The following SGCG variants were observed in gnomAD, a reference collection of about 807,000 sequenced individuals.
The protein encoded by SGCG is gamma-sarcoglycan.
In SGCG, 26 loss-of-function variants were observed where a neutral mutation model predicts 29.3. The ratio of observed to expected loss-of-function variants is 0.89; its 90% CI spans 0.65 to 1.23. The LOEUF is 1.23. Ranked by LOEUF, SGCG falls within the 50% of genes most tolerant of loss-of-function variation. The probability of loss-of-function intolerance (pLI) is 0.00; values close to 1 mark genes in which losing one functional copy is unlikely to be tolerated. For synonymous variants in SGCG, 145 were observed against 129.7 expected (o/e 1.12, Z -0.80); for missense variants, 353 against 356.0 (o/e 0.99, Z 0.07).
chr13:23,318,324 C>A (rs1882910887), intron 6 of SGCG, among the ~76,000 whole-genome samples: 1 of 151,604 alleles, frequency 6.6e-6, no homozygotes, highest in African/African-American at 2.4e-5. Context: ...TTGTATACAT[C>A]TTTAATTGAA....
intron 4 of SGCG, among the ~76,000 whole-genome samples, chr13:23,266,296 CAT>C (rs71185063): frequency 0.17 from 26,189 of 150,456 alleles, 2,551 homozygotes; most frequent in Admixed American, 0.23. Context: ...TGCTATATCA[CAT>C]ATATATATAT....
chr13:23,271,275 C>T (rs1880867381), intron 4 of SGCG, among the ~76,000 whole-genome samples: 1 of 152,112 alleles, frequency 6.6e-6, no homozygotes, highest in African/African-American at 2.4e-5. Context: ...ACTAGATTTC[C>T]ATGTCTATCA....
At chr13:23,286,988 A>G (rs7323714) in intron 5 of SGCG, among the ~76,000 whole-genome samples, 65,951 of 152,122 alleles carry the variant, frequency 0.43, 15,143 homozygotes, top group Middle Eastern at 0.65. Context: ...ATTGAATTAT[A>G]GCTTTATCGC....
chr13:23,185,961 C>T (rs1224217040), intron 1 of SGCG, among the ~76,000 whole-genome samples: 1 of 152,192 alleles, frequency 6.6e-6, no homozygotes, highest in Non-Finnish European at 1.5e-5. Context: ...GGGAACAGCT[C>T]CTCCAAGGGT....
At chr13:23,228,648 T>C (rs577013035) in intron 2 of SGCG, among the ~76,000 whole-genome samples, 2 of 152,130 alleles carry the variant, frequency 1.3e-5, no homozygotes, top group African/African-American at 4.8e-5. Flanking sequence ...GGTCCCAGGG[T>C]CTGTTGTTCC....
chr13:23,176,896 G>C (rs376642592), upstream of SGCG, among the ~76,000 whole-genome samples: 28 of 152,092 alleles, frequency 1.8e-4, no homozygotes, highest in African/African-American at 6.8e-4. Context: ...AATGAAATCT[G>C]TATGTCAAAG....
intron 6 of SGCG, among the ~76,000 whole-genome samples, chr13:23,306,472 A>G (rs1352627613): frequency 6.6e-6 from 1 of 152,140 alleles, no homozygotes; most frequent in Non-Finnish European, 1.5e-5. Context: ...TTTTAACTGT[A>G]TTTGTGTAGT....
At chr13:23,265,467 C>T (rs926133754) in intron 4 of SGCG, among the ~76,000 whole-genome samples, 2 of 152,144 alleles carry the variant, frequency 1.3e-5, no homozygotes, top group African/African-American at 4.8e-5. Flanking sequence ...GTCCCAGCTA[C>T]TCAGGAGGCT....
At chr13:23,260,643 A>G (rs1429800173) in intron 4 of SGCG, among the ~76,000 whole-genome samples, 3 of 152,110 alleles carry the variant, frequency 2.0e-5, no homozygotes, top group Non-Finnish European at 2.9e-5. Flanking sequence ...GCTAGCATCG[A>G]TGGTCTTTAC....
intron 6 of SGCG, among the ~76,000 whole-genome samples, chr13:23,295,800 C>A (rs1012100177): frequency 6.6e-6 from 1 of 152,190 alleles, no homozygotes; most frequent in Non-Finnish European, 1.5e-5. Flanking sequence ...CTTCATCGCT[C>A]CCACATCACA....
chr13:23,215,934 G>A (rs918099423), intron 2 of SGCG, among the ~76,000 whole-genome samples: 22 of 152,124 alleles, frequency 1.4e-4, no homozygotes, highest in African/African-American at 5.1e-4. Flanking sequence ...ACAAGACTAT[G>A]TGCACAAAAT....
chr13:23,181,740 G>A (rs1876742337), intron 1 of SGCG, among the ~76,000 whole-genome samples: 1 of 152,152 alleles, frequency 6.6e-6, no homozygotes, highest in African/African-American at 2.4e-5. Flanking sequence ...GAAGTTATGA[G>A]TTCTTTCTTT....
At chr13:23,164,912 C>T in the SGCG span, among the ~76,000 whole-genome samples, 3 of 152,136 alleles carry the variant, frequency 2.0e-5, no homozygotes, top group Non-Finnish European at 4.4e-5. Flanking sequence ...TGTACCCTTC[C>T]CTCTTCAGGG....
intron 4 of SGCG, among the ~76,000 whole-genome samples, chr13:23,273,478 CCCAG>C (rs746376549): frequency 8.5e-5 from 13 of 152,184 alleles, no homozygotes; most frequent in Non-Finnish European, 1.8e-4. Context: ...AGCTACCACG[CCCAG>C]CCAGTTGATA....
At chr13:23,306,728 G>A (rs551840721) in intron 6 of SGCG, among the ~76,000 whole-genome samples, 15 of 152,072 alleles carry the variant, frequency 9.9e-5, no homozygotes, top group African/African-American at 3.4e-4. Context: ...CTTATGGTGT[G>A]GCTTATTTTC....
intron 6 of SGCG, among the ~76,000 whole-genome samples, chr13:23,302,154 A>G (rs1001017245): frequency 6.6e-6 from 1 of 152,046 alleles, no homozygotes; most frequent in Non-Finnish European, 1.5e-5. Context: ...TTTGTCCTTG[A>G]CCTAATACTT....
intron 4 of SGCG, among the ~76,000 whole-genome samples, chr13:23,273,458 T>G (rs1388076294): frequency 6.6e-6 from 1 of 152,230 alleles, no homozygotes; most frequent in African/African-American, 2.4e-5. Context: ...GCGCTGGGAT[T>G]ACAGATGTGA....
At chr13:23,203,289 G>A (rs548330917) in intron 1 of SGCG, among the ~76,000 whole-genome samples, 114 of 152,196 alleles carry the variant, frequency 7.5e-4, no homozygotes, top group Non-Finnish European at 7.4e-4. Context: ...ACACATACCA[G>A]TTTGATTTTC....
At chr13:23,218,928 AGTATAAATATATATTATTTT>A (rs994922824) in intron 2 of SGCG, among the ~76,000 whole-genome samples, 3 of 147,724 alleles carry the variant, frequency 2.0e-5, no homozygotes, top group Non-Finnish European at 3.0e-5. Context: ...TATATTATTT[AGTATAAATATATATTATTTT>A]GGCTCATAAT....
Sources: allele counts gnomAD v4.1 joint callset (sites outside exome capture counted in the v4.1 genomes callset), GRCh38; gene constraint gnomAD v4.1.1; transcripts MANE v1.5; gene names NCBI Gene and HGNC (gene_info 2026-07-23, HGNC 2026-07-21).